RASGEF1C: variants seen among roughly 807,000 people sequenced by gnomAD.
RASGEF1C encodes the protein RasGEF domain family member 1C, also known as ras-GEF domain-containing family member 1C.
In RASGEF1C, 27 loss-of-function variants were observed where a neutral mutation model predicts 58.1. That is an observed-to-expected ratio of 0.46 (90% CI 0.34 to 0.64). The LOEUF (loss-of-function observed/expected upper bound fraction) is 0.64. Among genes scored for constraint, RASGEF1C ranks in the 30% least tolerant of loss-of-function variants. The probability of loss-of-function intolerance (pLI) is 0.01; values close to 1 mark genes in which losing one functional copy is unlikely to be tolerated. For missense variants in RASGEF1C, 502 were observed against 605.1 expected, an observed-to-expected ratio of 0.83 and a Z score of 1.79; for synonymous variants, 243 against 246.3, an observed-to-expected ratio of 0.99 and a Z score of 0.13.
rs368535017 is a variant in RASGEF1C at position 180,128,419 on chromosome 5, G to C, written c.630C>G (p.His210Gln). Reference sequence around the variant, plus strand: ...GTTTGGGCCGGCTTACCAGTTCCACGTGGGTCAGCTGCTGGGCCAGTGTGT... The same window carrying C: ...GTTTGGGCCGGCTTACCAGTTCCACCTGGGTCAGCTGCTGGGCCAGTGTGT... Reference protein sequence around the residue: ...DPYTLAQQLTHVELERLRHIG... With the variant: ...DPYTLAQQLTQVELERLRHIG... Residue 210 changes from histidine to glutamine, a missense_variant, in exon 5 of 14, where the codon CAC (histidine) becomes CAG (glutamine). Physicochemically the swap from His to Gln is conservative, Grantham distance 24. Transcript: ENST00000361132. The C allele has an allele frequency of 1.2e-6, 2 of 1,613,518 alleles. No homozygotes were observed. Among genetic ancestry groups the C allele is most frequent in the Non-Finnish European group, 1.7e-6 (2 of 1,179,884 alleles).
At chr5:180,207,543 T>A (rs1335106558) in intron 1 of RASGEF1C, among the ~76,000 whole-genome samples, 1 of 152,040 alleles carries the variant, frequency 6.6e-6, no homozygotes, top group Non-Finnish European at 1.5e-5. Flanking sequence ...AAGGGCCAGG[T>A]CCCGGGCAGG....
In RASGEF1C at chr5:180,198,001, C is replaced by G. The variant is rs999743443; in HGVS notation, c.-7+11027G>C. On this transcript the variant is annotated intron_variant, in intron 1 of 13. Coordinates refer to ENST00000361132, the MANE Select transcript of RASGEF1C (RefSeq NM_175062.4). The surrounding 1 kb of genome is among the most constrained non-coding windows in gnomAD (Gnocchi z 4.5). Reference sequence around the variant, plus strand: ...CCGGAAGGCATTGAACTGGCAACAGCGGTGCCTGAGTTAGCGTATTCCAAA... The same window carrying G: ...CCGGAAGGCATTGAACTGGCAACAGGGGTGCCTGAGTTAGCGTATTCCAAA... Among the ~76,000 whole-genome samples, 1 of 152,188 alleles carries G rather than the reference C, an allele frequency of 6.6e-6. No individual in the cohort carries two copies. Among genetic ancestry groups the G allele is most frequent in the Admixed American group, 6.5e-5 (1 of 15,280 alleles).
At position 180,161,464 on chromosome 5, in the gene RASGEF1C, G is replaced by C. The variant is rs146218250; in HGVS notation, c.-6-23406C>G. Among the ~76,000 whole-genome samples the C allele has an allele frequency of 5.8e-4, 89 of 152,380 alleles. 1 individual carries two copies. In the East Asian group the frequency reaches 0.013, roughly 22 times the overall value. The stretch of plus-strand genomic sequence containing the variant: ...ACGGCAGCCAGGGGGGAACTGCCCA[G>C]AATGTGGCTCACCTGTGTGGACCTG... On this transcript the variant is annotated intron_variant, in intron 1 of 13. Coordinates refer to ENST00000361132, the MANE Select transcript of RASGEF1C (RefSeq NM_175062.4).
At chr5:180,128,309 C>A in intron 5 of RASGEF1C, 101 bp downstream of exon 5, 1 of 1,148,750 alleles carries the variant, frequency 8.7e-7, no homozygotes, top group Non-Finnish European at 1.3e-6. Flanking sequence ...GGGCCTCCTT[C>A]ACAAGCTTGT....
intron 1 of RASGEF1C, among the ~76,000 whole-genome samples, chr5:180,194,771 C>A (rs566174115): frequency 1.3e-5 from 2 of 152,214 alleles, no homozygotes; most frequent in Non-Finnish European, 2.9e-5. Context: ...CCCTACAGGG[C>A]TCCGGAGCCT....
At chr5:180,159,209 G>T (rs1300062315) in intron 1 of RASGEF1C, among the ~76,000 whole-genome samples, 1 of 150,462 alleles carries the variant, frequency 6.6e-6, no homozygotes, top group Admixed American at 6.6e-5. Flanking sequence ...GCGCGATCTC[G>T]GCTCACTGCA....
chr5:180,131,398 C>A (rs779076085), intron 4 of RASGEF1C, among the ~76,000 whole-genome samples: 4 of 151,282 alleles, frequency 2.6e-5, no homozygotes, highest in Non-Finnish European at 5.9e-5. Flanking sequence ...CCGGCAGGAT[C>A]TGGACAGCTT....
At chr5:180,113,515 G>C (rs375257290) in intron 11 of RASGEF1C, among the ~76,000 whole-genome samples, 1 of 55,628 alleles carries the variant, frequency 1.8e-5, no homozygotes, top group Non-Finnish European at 3.5e-5. Context: ...CGGAGGGATC[G>C]GGGATGGACG....
At position 180,133,333 on chromosome 5, in the gene RASGEF1C, T is replaced by C. The variant is rs1327482665; in HGVS notation, c.438+3045A>G. ...GCTGGTGTGGAGCACAGCGACGACA[T>C]GGGAGTGGGCGGGGGAAAGAGGAAG... On this transcript the variant is annotated intron_variant, in intron 4 of 13. Coordinates refer to ENST00000361132, the MANE Select transcript of RASGEF1C (RefSeq NM_175062.4). 2.6e-5 allele frequency among the ~76,000 whole-genome samples: 4 copies of C among 152,152 alleles called. No individual in the cohort carries two copies. The East Asian group carries it at 7.7e-4, about 29-fold the overall frequency.
At chr5:180,206,119 A>G (rs907124832) in intron 1 of RASGEF1C, among the ~76,000 whole-genome samples, 1 of 152,180 alleles carries the variant, frequency 6.6e-6, no homozygotes, top group Non-Finnish European at 1.5e-5. Flanking sequence ...TGTGAGACAC[A>G]CTAGAAAGCC....
At chr5:180,200,265 T>C (rs971200386) in intron 1 of RASGEF1C, among the ~76,000 whole-genome samples, 3 of 149,284 alleles carry the variant, frequency 2.0e-5, no homozygotes, top group Non-Finnish European at 4.4e-5. Flanking sequence ...GAAAAAAAAA[T>C]TGATGGATTT....
intron 11 of RASGEF1C, among the ~76,000 whole-genome samples, chr5:180,113,220 C>T (rs1407054929): frequency 1.3e-5 from 1 of 74,618 alleles, no homozygotes; most frequent in Non-Finnish European, 2.9e-5. Flanking sequence ...CGGGGATGGA[C>T]GGAGGGACAG....
chr5:180,159,593 G>A (rs1766905054), intron 1 of RASGEF1C, among the ~76,000 whole-genome samples: 1 of 152,196 alleles, frequency 6.6e-6, no homozygotes, highest in African/African-American at 2.4e-5. Context: ...TAGAGACTGA[G>A]ACTGACTGAA....
In RASGEF1C at chr5:180,182,183, C is replaced by CT. The variant is rs1370130667; in HGVS notation, c.-7+26844_-7+26845insA. On this transcript the variant is annotated intron_variant, in intron 1 of 13. Transcript: ENST00000361132. ...TCGCGCCACTGAACTCCAGCCTGGG[C>CT]AACAGAGCAAGACTCCGTCTCAAAA... Among the ~76,000 whole-genome samples the CT allele has an allele frequency of 3.0e-5, 3 of 100,594 alleles. No homozygotes were observed. The Admixed American group carries it at 4.5e-4, about 15-fold the overall frequency. 66.0% of individuals were successfully genotyped at this position (100,594 alleles called of 152,430 possible). A position where few individuals can be genotyped will look rare whatever the true frequency, so the allele number is the denominator to read the frequency against.
chr5:180,100,853 T>C lies in RASGEF1C; in HGVS notation c.*648A>G, dbSNP rs748629923. The C allele has an allele frequency of 2.6e-5, 4 of 152,780 alleles. No individual in the cohort carries two copies. The highest frequency in any genetic ancestry group is 4.8e-5 in the African/African-American group (2 of 41,462). 9.5% of individuals were successfully genotyped at this position (152,780 alleles called of 1,614,324 possible). A position where few individuals can be genotyped will look rare whatever the true frequency, so the allele number is the denominator to read the frequency against. On this transcript the variant is annotated 3_prime_UTR_variant, in exon 14 of 14. Transcript: ENST00000361132. ...TTACAAGGGGGCTGGGTGGCGGGAC[T>C]GCCGTGTACACACTGTAACTCCATG...
chr5:180,129,470 C>T (rs541176014), intron 4 of RASGEF1C, among the ~76,000 whole-genome samples: 259 of 152,274 alleles, frequency 1.7e-3, no homozygotes, highest in African/African-American at 5.8e-3. Context: ...AGGGCTCCAG[C>T]GTCCTCAGAC....
intron 1 of RASGEF1C, among the ~76,000 whole-genome samples, chr5:180,199,059 C>A: frequency 6.6e-6 from 1 of 152,156 alleles, no homozygotes; most frequent in Non-Finnish European, 1.5e-5. Flanking sequence ...CCAAAAGGAC[C>A]ACACCTCTCC....
intron 11 of RASGEF1C, among the ~76,000 whole-genome samples, chr5:180,113,354 T>G (rs111161627): frequency 0.31 from 2,441 of 7,836 alleles, 106 homozygotes; most frequent in East Asian, 0.38. Flanking sequence ...GGGGATGGAC[T>G]GAGGGATCCG....
intron 8 of RASGEF1C, 82 bp downstream of exon 8, chr5:180,119,264 A>C (rs36055015): frequency 0.12 from 140,001 of 1,187,212 alleles, 9,389 homozygotes; most frequent in South Asian, 0.18. Context: ...CCTGGCTTGC[A>C]CTCTGCCTGC....
Sources: gnomAD v4.1 joint callset for allele counts (sites outside exome capture counted in the v4.1 genomes callset) on GRCh38, gnomAD v4.1.1 for gene constraint, Gnocchi (gnomAD v3.1) non-coding constraint, MANE v1.5 for transcripts, NCBI Gene and HGNC (gene_info 2026-07-23, HGNC 2026-07-21) for gene names.